The following AFF3 variants were observed in gnomAD, a reference collection of about 807,000 sequenced individuals.
AFF3 encodes the protein AF4/FMR2 family member 3.
A neutral mutation model predicts 129.7 loss-of-function variants in AFF3; 32 were observed. The ratio of observed to expected loss-of-function variants is 0.25; its 90% CI spans 0.19 to 0.33. The LOEUF (loss-of-function observed/expected upper bound fraction) is 0.33, where lower values mean the gene tolerates loss of function less well. Among genes scored for constraint, AFF3 ranks in the 10% least tolerant of loss-of-function variants. The probability of loss-of-function intolerance (pLI) is 1.00; values close to 1 mark genes in which losing one functional copy is unlikely to be tolerated. For synonymous variants in AFF3, 644 were observed against 635.4 expected, an observed-to-expected ratio of 1.01 and a Z score of -0.20; for missense variants, 1,373 against 1,592.0, an observed-to-expected ratio of 0.86 and a Z score of 2.34.
intron 1 of AFF3, among the ~76,000 whole-genome samples, chr2:100,141,318 G>C (rs751175784): frequency 6.6e-6 from 1 of 152,180 alleles, no homozygotes; most frequent in Non-Finnish European, 1.5e-5. Flanking sequence ...CCTAGAACAA[G>C]GGAATAGCAG....
At chr2:99,934,190 T>C (rs575868547) in intron 7 of AFF3, among the ~76,000 whole-genome samples, 1 of 152,308 alleles carries the variant, frequency 6.6e-6, no homozygotes, top group Admixed American at 6.5e-5. Flanking sequence ...TTCTGCCATG[T>C]GCCTGGTGGG....
chr2:99,934,748 C>T (rs1005154840), intron 7 of AFF3, among the ~76,000 whole-genome samples: 1 of 152,192 alleles, frequency 6.6e-6, no homozygotes, highest in Non-Finnish European at 1.5e-5. Flanking sequence ...GGACCGTCTT[C>T]TATTAGTGCC....
chr2:99,592,240 G>C (rs1473408443), intron 15 of AFF3, among the ~76,000 whole-genome samples: 2 of 152,140 alleles, frequency 1.3e-5, no homozygotes, highest in African/African-American at 2.4e-5. Context: ...CCTTGCTTTT[G>C]CTGCCCTTCT....
At chr2:99,935,166 G>T (rs1674407068) in intron 7 of AFF3, among the ~76,000 whole-genome samples, 1 of 152,150 alleles carries the variant, frequency 6.6e-6, no homozygotes, top group African/African-American at 2.4e-5. Context: ...TGCACATGTG[G>T]CATTCTCCAG....
At position 100,011,631 on chromosome 2, in the gene AFF3, T is replaced by A. The variant is rs1438864423; in HGVS notation, c.54-2699A>T. ...CACTTTAAACCTGATTAGCCTTGAG[T>A]ATCTTAGCGTGCATGAGTCTGTCAG... On this transcript the variant is annotated intron_variant, in intron 4 of 24. Transcript: ENST00000672756. The A allele has an allele frequency of 9.0e-6, 7 of 776,928 alleles. No homozygotes were observed. In the Admixed American group the frequency reaches 1.2e-4, roughly 13 times the overall value. 48.1% of individuals were successfully genotyped at this position (776,928 alleles called of 1,614,324 possible).
chr2:99,760,560 A>T (rs943652575), intron 8 of AFF3, among the ~76,000 whole-genome samples: 1 of 152,158 alleles, frequency 6.6e-6, no homozygotes, highest in African/African-American at 2.4e-5. Context: ...AAACAATGCT[A>T]TTTCATTACA....
chr2:100,023,757 G>A (rs1351706808), intron 4 of AFF3, among the ~76,000 whole-genome samples: 1 of 152,170 alleles, frequency 6.6e-6, no homozygotes, highest in Non-Finnish European at 1.5e-5. Flanking sequence ...GGTTGGCAAT[G>A]TTAAAGTGCT....
chr2:100,082,085 T>A (rs988323097), intron 4 of AFF3, among the ~76,000 whole-genome samples: 1 of 152,230 alleles, frequency 6.6e-6, no homozygotes, highest in Non-Finnish European at 1.5e-5. Context: ...AAAAGCTTTT[T>A]AAGAGGATCT....
intron 8 of AFF3, among the ~76,000 whole-genome samples, chr2:99,778,440 T>TGCATAA (rs1416826504): frequency 6.6e-6 from 1 of 152,210 alleles, no homozygotes; most frequent in African/African-American, 2.4e-5. Flanking sequence ...GATGTATTCA[T>TGCATAA]GCATAAGCAC....
At position 99,989,771 on chromosome 2, in the gene AFF3, T is replaced by C. The variant is rs138376078; in HGVS notation, c.873+16861A>G. On this transcript the variant is annotated intron_variant, in intron 7 of 24. Coordinates refer to ENST00000672756, the MANE Select transcript of AFF3 (RefSeq NM_001386135.1). ...TCTATGAAAAAAGGTTGAAAATTAA[T>C]TCAAAATATGATATTCTCTTTCATT... Among the ~76,000 whole-genome samples, 207 of 152,330 alleles carry C rather than the reference T, an allele frequency of 1.4e-3. 2 individuals are homozygous for C. The highest frequency in any genetic ancestry group is 4.6e-3 in the African/African-American group (192 of 41,570).
intron 7 of AFF3, 80 bp from the exon 8 acceptor site, chr2:99,837,604 T>C (rs1688983193): frequency 1.5e-6 from 2 of 1,320,146 alleles, no homozygotes; most frequent in Non-Finnish European, 2.1e-6. Context: ...TCCAAATTAG[T>C]CCCCCCCAAC....
chr2:99,704,753 C>A (rs1363424205), intron 11 of AFF3, among the ~76,000 whole-genome samples: 1 of 152,146 alleles, frequency 6.6e-6, no homozygotes. Flanking sequence ...TTGGCACAGG[C>A]CCCAGGCCTG....
At chr2:100,125,949 A>G (rs1248894229) in intron 2 of AFF3, among the ~76,000 whole-genome samples, 1 of 152,204 alleles carries the variant, frequency 6.6e-6, no homozygotes, top group East Asian at 1.9e-4. Context: ...CTGTGCACAC[A>G]CTTGGGACCA....
chr2:100,037,711 T>G (rs1195178881), intron 4 of AFF3, among the ~76,000 whole-genome samples: 6 of 127,136 alleles, frequency 4.7e-5, no homozygotes, highest in African/African-American at 1.5e-4. Flanking sequence ...ATTATATATT[T>G]ATATATTATA....
rs1674361479 is a variant in AFF3, at chr2:99,550,951, A to T, written c.*523T>A. On this transcript the variant is annotated 3_prime_UTR_variant, in exon 25 of 25. Coordinates refer to ENST00000672756, the MANE Select transcript of AFF3 (RefSeq NM_001386135.1). ...CCCATTAATACATACCAATCAAAAA[A>T]TAATTGGGGAATAGTATATTAATAC... is the stretch of plus-strand genomic sequence containing the variant. 3.1e-6 allele frequency: 1 copy of T among 325,666 alleles called. No individual in the cohort carries two copies. Among genetic ancestry groups the T allele is most frequent in the Non-Finnish European group, 5.6e-6 (1 of 179,948 alleles). 20.2% of individuals were successfully genotyped at this position (325,666 alleles called of 1,614,324 possible).
chr2:99,902,475 A>T (rs1349611740), intron 7 of AFF3, among the ~76,000 whole-genome samples: 2 of 152,130 alleles, frequency 1.3e-5, no homozygotes, highest in Non-Finnish European at 2.9e-5. Flanking sequence ...TCTCAACTCA[A>T]TGCAGGTGTC....
intron 14 of AFF3, among the ~76,000 whole-genome samples, chr2:99,595,586 T>C (rs1394321364): frequency 6.6e-6 from 1 of 152,030 alleles, no homozygotes; most frequent in Non-Finnish European, 1.5e-5. Context: ...AAATAATAAA[T>C]ACATTTAAAT....
chr2:100,065,650 G>T (rs1342817716), intron 4 of AFF3, among the ~76,000 whole-genome samples: 2 of 152,084 alleles, frequency 1.3e-5, no homozygotes, highest in Admixed American at 6.5e-5. Flanking sequence ...AAATAATTTT[G>T]GGACAGAGGG....
chr2:99,809,588 C>A (rs761081261), intron 8 of AFF3, among the ~76,000 whole-genome samples: 32 of 152,210 alleles, frequency 2.1e-4, no homozygotes, highest in Admixed American at 6.5e-4. Context: ...CACACCTTTG[C>A]CTCCATTGGC....
Sources: allele counts gnomAD v4.1 joint callset (sites outside exome capture counted in the v4.1 genomes callset), GRCh38; gene constraint gnomAD v4.1.1; transcripts MANE v1.5; gene names NCBI Gene and HGNC (gene_info 2026-07-23, HGNC 2026-07-21).